The following SPG11 variants were observed in gnomAD, a reference collection of about 807,000 sequenced individuals.
The protein encoded by SPG11 is spatacsin.
In SPG11, 222 loss-of-function variants were observed where a neutral mutation model predicts 274.0. The observed-to-expected ratio is 0.81, with a 90% CI of 0.73 to 0.91. The LOEUF (loss-of-function observed/expected upper bound fraction) is 0.91. Ranked by LOEUF, SPG11 falls within the 40% of genes least tolerant of loss-of-function variation. The pLI is 0.00. For synonymous variants in SPG11, 1,144 were observed against 1,039.7 expected (o/e 1.10, Z -1.93); for missense variants, 3,114 against 2,872.7 (o/e 1.08, Z -1.92).
At chr15:44,659,025 T>G in intron 3 of SPG11, 54 bp downstream of exon 3, 2 of 1,554,428 alleles carry the variant, frequency 1.3e-6, no homozygotes, top group African/African-American at 2.7e-5. Flanking sequence ...GGCTCATCTT[T>G]ATAGGTGTTC....
intron 7 of SPG11, among the ~76,000 whole-genome samples, chr15:44,641,007 C>T (rs1462190880): frequency 3.3e-5 from 5 of 152,142 alleles, no homozygotes; most frequent in African/African-American, 9.7e-5. Flanking sequence ...GGATTACAGG[C>T]GTGAGCCACC....
rs1438800400 is a variant in SPG11 at position 44,651,721 on chromosome 15, G to A, written c.1226C>T (p.Pro409Leu). Residue 409 changes from proline (P) to leucine (L), a missense_variant, in exon 6 of 40, where the codon CCA becomes CTA. Coordinates refer to ENST00000261866, the MANE Select transcript of SPG11 (RefSeq NM_025137.4). ...LQKDHAKTSD[P>L]GRSWKIMHIS... Reference sequence around the variant, plus strand: ...GTGCATTATTTTCCATGATCTTCCTGGATCACTGGTCTTGGCATGATCTTT... The same window carrying A: ...GTGCATTATTTTCCATGATCTTCCTAGATCACTGGTCTTGGCATGATCTTT... The A allele has an allele frequency of 4.3e-6, 7 of 1,614,140 alleles. No homozygotes were observed. Among genetic ancestry groups the A allele is most frequent in the Non-Finnish European group, 5.9e-6 (7 of 1,180,016 alleles).
rs552035622 is a variant in SPG11 at position 44,584,497 on chromosome 15, A to T, written c.5183T>A (p.Ile1728Asn). 2 of 1,613,984 alleles carry T rather than the reference A, an allele frequency of 1.2e-6. No individual in the cohort carries two copies. Among genetic ancestry groups the T allele is most frequent in the African/African-American group, 2.7e-5 (2 of 75,044 alleles). Reference sequence around the variant, plus strand: ...CTCATGGCATTTTTTCCAGAAGTCAATTCTTGCTTGTTTTAGTGACCACTG... The same window carrying T: ...CTCATGGCATTTTTTCCAGAAGTCATTTCTTGCTTGTTTTAGTGACCACTG... The part of the protein sequence containing the change: ...IEQWSLKQAR[I>N]DFWKKCHENF... The change falls in exon 30 of 40, where the codon ATT (isoleucine) becomes AAT (asparagine). Residue 1728 changes from isoleucine (I) to asparagine (N), a missense_variant. By Grantham distance (149) the Ile-to-Asn change is moderately radical (BLOSUM62 -3). Transcript: ENST00000261866.
At position 44,652,035 on chromosome 15, in the gene SPG11, G is replaced by A. The variant is rs1371494049; in HGVS notation, c.1007+94C>T. 3.3e-6 allele frequency: 5 copies of A among 1,519,738 alleles called. No homozygotes were observed. In the South Asian group the frequency reaches 4.8e-5, roughly 15 times the overall value. The allele number at this position is 1,519,738 out of a possible 1,614,324, so 94.1% of individuals were successfully genotyped here. A position where few individuals can be genotyped will look rare whatever the true frequency, so the allele number is the denominator to read the frequency against. On this transcript the variant is annotated intron_variant, in intron 5 of 39. Transcript: ENST00000261866. ...GCAAAGATGTTCTTAAAAAAAAAAAGTATCTATCAAATAAAGACCTTTAAT... is the reference window on the plus strand; with the variant it reads ...GCAAAGATGTTCTTAAAAAAAAAAAATATCTATCAAATAAAGACCTTTAAT...
At position 44,569,512 on chromosome 15, in the gene SPG11, A is replaced by C. The variant is rs1241905424; in HGVS notation, c.6478-7T>G. The C allele has an allele frequency of 6.3e-7, 1 of 1,575,872 alleles. No homozygotes were observed. The highest frequency in any genetic ancestry group is 2.3e-5 in the East Asian group (1 of 43,704). On this transcript the variant is annotated splice_polypyrimidine_tract_variant and splice_region_variant and intron_variant, in intron 34 of 39. Transcript: ENST00000261866. ...TGCCAGTGAGGAGCCGTACCTGTGA[A>C]GTGGGAGGACAGCTCGCATCAGCAT...
At chr15:44,610,275 A>G (rs1876536471) in intron 18 of SPG11, among the ~76,000 whole-genome samples, 1 of 151,564 alleles carries the variant, frequency 6.6e-6, no homozygotes, top group African/African-American at 2.4e-5. Context: ...CTGGTCTCAA[A>G]CTCCTGTACT....
chr15:44,569,611 G>A, intron 34 of SPG11, 106 bp from the exon 35 acceptor site: 2 of 827,998 alleles, frequency 2.4e-6, no homozygotes, highest in South Asian at 2.9e-5. Flanking sequence ...GCTCCAGGAG[G>A]AGAAGGGCTA....
At chr15:44,602,591 GC>G (rs1194154086) in intron 20 of SPG11, among the ~76,000 whole-genome samples, 1 of 151,292 alleles carries the variant, frequency 6.6e-6, no homozygotes, top group African/African-American at 2.4e-5. Context: ...CCATTCTCCT[GC>G]CTCAGCCTCC....
chr15:44,611,005 G>A lies in SPG11; in HGVS notation c.3146-20C>T, dbSNP rs2083445257. Reference sequence around the variant, plus strand: ...TGGGATCTGGAAAATAAAAGACAGTGTTTTTCTCCTTAAGAGGGATAAATA... The same window carrying A: ...TGGGATCTGGAAAATAAAAGACAGTATTTTTCTCCTTAAGAGGGATAAATA... On this transcript the variant is annotated intron_variant, in intron 17 of 39. Coordinates refer to ENST00000261866, the MANE Select transcript of SPG11 (RefSeq NM_025137.4). The A allele has an allele frequency of 3.4e-6, 5 of 1,449,878 alleles. No homozygotes were observed. The highest frequency in any genetic ancestry group is 1.9e-5 in the Admixed American group (1 of 53,294). The allele number at this position is 1,449,878 out of a possible 1,614,324, so 89.8% of individuals were successfully genotyped here.
rs767343843 is a variant in SPG11 at position 44,592,372 on chromosome 15, C to T, written c.4702G>A (p.Ala1568Thr). 1.9e-5 allele frequency: 30 copies of T among 1,612,418 alleles called. No individual in the cohort carries two copies. Among genetic ancestry groups the T allele is most frequent in the Non-Finnish European group, 2.5e-5 (29 of 1,178,604 alleles). ...TGAAACTCCAGAAGTTTAGCTTCAG[C>T]TTCTTTATAATTCCTGAAGAACATA... is the stretch of plus-strand genomic sequence containing the variant. ...LCMFFRNYKE[A>T]EAKLLEFQKS... Residue 1568 changes from alanine (A) to threonine (T), a missense_variant, in exon 27 of 40, where the codon GCT (alanine) becomes ACT (threonine). Physicochemically the swap from Ala to Thr is moderately conservative, Grantham distance 58. Transcript: ENST00000261866.
rs2082230869 is a variant in SPG11 at position 44,563,240 on chromosome 15, A to C, written c.7213T>G (p.Cys2405Gly). ...MENLKKLLTY[C>G]EDVYLYYKLA... Reference sequence around the variant, plus strand: ...TTGTAATACAGGTAAACATCTTCACAATATGTGAGTAATTTCTTCAGGTTT... The same window carrying C: ...TTGTAATACAGGTAAACATCTTCACCATATGTGAGTAATTTCTTCAGGTTT... The change falls in exon 40 of 40, where the codon TGT becomes GGT. Residue 2405 changes from cysteine to glycine, a missense_variant. Transcript: ENST00000261866. The C allele has an allele frequency of 2.5e-6, 4 of 1,614,150 alleles. No individual in the cohort carries two copies. In the East Asian group the frequency reaches 6.7e-5, roughly 27 times the overall value.
chr15:44,651,887 G>C lies in SPG11; in HGVS notation c.1060C>G (p.Leu354Val), dbSNP rs1290212116. The change falls in exon 6 of 40, where the codon CTG becomes GTG. Residue 354 changes from leucine to valine, a missense_variant. Coordinates refer to ENST00000261866, the MANE Select transcript of SPG11 (RefSeq NM_025137.4). ...SLNETIKNSK[L>V]EVSCCAPWFQ... is the part of the protein sequence containing the mutation. The stretch of plus-strand genomic sequence containing the variant: ...CATGGAGCACAACAGGAAACCTCCA[G>C]TTTGGAGTTCTTTATTGTTTCATTC... 1.2e-6 allele frequency: 2 copies of C among 1,613,106 alleles called. No individual in the cohort carries two copies. The highest frequency in any genetic ancestry group is 1.7e-6 in the Non-Finnish European group (2 of 1,179,646).
intron 20 of SPG11, among the ~76,000 whole-genome samples, chr15:44,604,459 C>T (rs1392986283): frequency 1.3e-5 from 2 of 152,204 alleles, no homozygotes; most frequent in African/African-American, 2.4e-5. Context: ...TTTTTTAGCA[C>T]GTTGGGGCTT....
At chr15:44,594,375 G>A (rs1323513545) in intron 26 of SPG11, among the ~76,000 whole-genome samples, 2 of 151,766 alleles carry the variant, frequency 1.3e-5, no homozygotes, top group African/African-American at 2.4e-5. Context: ...GCAGTGAGCC[G>A]AGATCGTGCC....
chr15:44,632,788 C>T (rs899582685), intron 8 of SPG11, among the ~76,000 whole-genome samples: 3 of 151,846 alleles, frequency 2.0e-5, no homozygotes, highest in Admixed American at 6.6e-5. Context: ...GATTACAGGG[C>T]GAGCCACTGC....
intron 28 of SPG11, among the ~76,000 whole-genome samples, chr15:44,588,147 A>G (rs1342026059): frequency 6.6e-6 from 1 of 152,222 alleles, no homozygotes; most frequent in Non-Finnish European, 1.5e-5. Context: ...CCTAGTAGCC[A>G]AACTGTCAGA....
At chr15:44,634,998 C>T (rs2084195830) in intron 7 of SPG11, among the ~76,000 whole-genome samples, 1 of 151,604 alleles carries the variant, frequency 6.6e-6, no homozygotes, top group Non-Finnish European at 1.5e-5. Context: ...GGTGGATCAG[C>T]TGAGGTCAGG....
rs764560392 is a variant in SPG11, at chr15:44,610,932, T to A, written c.3199A>T (p.Thr1067Ser). 1 of 1,613,730 alleles carries A rather than the reference T, an allele frequency of 6.2e-7. No homozygotes were observed. Among genetic ancestry groups the A allele is most frequent in the Admixed American group, 1.7e-5 (1 of 59,988 alleles). ...SLANAQILIPTNQASVSSMLL... is the reference protein window; with the variant it reads ...SLANAQILIPSNQASVSSMLL... ...ATACTGCTTACACTGGCCTGATTGG[T>A]GGGAATCAAAATCTGAGCATTTGCA... Residue 1067 changes from threonine to serine, a missense_variant, in exon 18 of 40, where the codon ACC becomes TCC. Thr to Ser is a moderately conservative substitution (Grantham distance 58). Transcript: ENST00000261866.
chr15:44,621,715 A>C (rs1432301243), intron 14 of SPG11, 44 bp downstream of exon 14: 3 of 1,561,536 alleles, frequency 1.9e-6, no homozygotes. Flanking sequence ...ACCCAATTTA[A>C]TCCTCATTCA....
Sources: gnomAD v4.1 joint callset for allele counts (sites outside exome capture counted in the v4.1 genomes callset) on GRCh38, gnomAD v4.1.1 for gene constraint, MANE v1.5 for transcripts, NCBI Gene and HGNC (gene_info 2026-07-23, HGNC 2026-07-21) for gene names.